The following DCX variants were observed in gnomAD, a reference collection of about 807,000 sequenced individuals.
The protein encoded by DCX is neuronal migration protein doublecortin.
A neutral mutation model predicts 20.9 loss-of-function variants in DCX; 4 were observed. That is an observed-to-expected ratio of 0.19 (90% CI 0.09 to 0.44). DCX has a LOEUF of 0.44. Among genes scored for constraint, DCX ranks in the 20% least tolerant of loss-of-function variants. The pLI is 0.99. For missense variants in DCX, 133 were observed against 296.9 expected, an observed-to-expected ratio of 0.45 and a Z score of 4.06; for synonymous variants, 103 against 111.4, an observed-to-expected ratio of 0.92 and a Z score of 0.47.
chrX:111,330,423 A>G (rs954904551), intron 5 of DCX, among the ~76,000 whole-genome samples: 5 of 112,035 alleles, frequency 4.5e-5, no homozygotes, highest in Admixed American at 9.5e-5. Context: ...CCCCCTATTT[A>G]TATGGCATAT....
chrX:111,402,766 G>A (rs1254918068), intron 2 of DCX, among the ~76,000 whole-genome samples: 1 of 107,298 alleles, frequency 9.3e-6, no homozygotes, highest in Non-Finnish European at 1.9e-5. Flanking sequence ...GTGTGTATGT[G>A]TGTGTGTGTG....
At chrX:111,385,681 AAG>A (rs1182797783) in intron 3 of DCX, among the ~76,000 whole-genome samples, 1 of 105,929 alleles carries the variant, frequency 9.4e-6, no homozygotes, top group Non-Finnish European at 1.9e-5. Flanking sequence ...AAAAGAAAGA[AAG>A]AGAAAGAAAG....
chrX:111,341,321 G>C (rs1265120378), intron 3 of DCX, among the ~76,000 whole-genome samples: 1 of 110,198 alleles, frequency 9.1e-6, no homozygotes, highest in Non-Finnish European at 1.9e-5. Flanking sequence ...GAAAAGACTA[G>C]AGGAAAAAGA....
intron 3 of DCX, among the ~76,000 whole-genome samples, chrX:111,362,606 C>G (rs932962831): frequency 8.1e-5 from 9 of 111,561 alleles, no homozygotes; most frequent in African/African-American, 2.9e-4. Flanking sequence ...AGGTTTCATC[C>G]TCAGTCATTC....
At chrX:111,347,074 T>C (rs903618510) in intron 3 of DCX, among the ~76,000 whole-genome samples, 6 of 111,661 alleles carry the variant, frequency 5.4e-5, no homozygotes, top group African/African-American at 6.5e-5. Flanking sequence ...ATTCTATCCC[T>C]ACTAAGTTAA....
chrX:111,341,101 C>CA, intron 3 of DCX, among the ~76,000 whole-genome samples: 1 of 110,366 alleles, frequency 9.1e-6, no homozygotes, highest in East Asian at 2.9e-4. Context: ...TGTTCTAACC[C>CA]AATGCAAAGA....
At chrX:111,389,779 C>A (rs911476732) in intron 3 of DCX, among the ~76,000 whole-genome samples, 10 of 111,424 alleles carry the variant, frequency 9.0e-5, no homozygotes, top group African/African-American at 2.6e-4. Context: ...GTGGCCCCAC[C>A]ATCCACCCAC....
intron 3 of DCX, among the ~76,000 whole-genome samples, chrX:111,358,689 A>C (rs965614745): frequency 1.8e-5 from 2 of 112,159 alleles, no homozygotes; most frequent in African/African-American, 6.5e-5. Flanking sequence ...TCACATCTTC[A>C]TAGTCTGTGA....
chrX:111,354,267 A>G (rs1315111797), intron 3 of DCX, among the ~76,000 whole-genome samples: 1 of 111,802 alleles, frequency 8.9e-6, no homozygotes, highest in African/African-American at 3.3e-5. Context: ...ATCTAGTGAA[A>G]TATATCGAAG....
rs145213347 is a variant in DCX at position 111,334,812 on chromosome X, G to T, written c.706-1659C>A. 4.7e-3 allele frequency among the ~76,000 whole-genome samples: 529 copies of T among 112,073 alleles called. 2 individuals are homozygous for T. The highest frequency in any genetic ancestry group is 0.016 in the African/African-American group (505 of 30,795). The stretch of plus-strand genomic sequence containing the variant: ...ATGAGGTGAGATACATCGAAATAGA[G>T]CATTTCAATTTAGTGTCATGAGTAC... On this transcript the variant is annotated intron_variant, in intron 3 of 6. Transcript: ENST00000636035.
At chrX:111,345,482 G>A (rs1282554021) in intron 3 of DCX, among the ~76,000 whole-genome samples, 1 of 111,683 alleles carries the variant, frequency 9.0e-6, no homozygotes, top group African/African-American at 3.3e-5. Context: ...GAAAATTTTT[G>A]CAATGTACCC....
Position 111,377,787 on chromosome X carries a change from C to A in DCX, c.705+23203G>T, listed in dbSNP as rs772361074. Among the ~76,000 whole-genome samples the A allele has an allele frequency of 3.6e-5, 4 of 111,441 alleles. No homozygotes were observed. In the South Asian group the frequency reaches 1.5e-3, roughly 42 times the overall value. On this transcript the variant is annotated intron_variant, in intron 3 of 6. Transcript: ENST00000636035. ...TTCCTTTCCTCTTCCTCCCTTCCTC[C>A]TTCTTCCTTCCTCCCTTCTCCTCCT...
chrX:111,332,827 G>A lies in DCX; in HGVS notation c.808+224C>T, dbSNP rs144344521. ...TATGGTCACTATTGGGGCAGATAGT[G>A]AGTTTTATTGAGTTTGGAGCCTGGG... On this transcript the variant is annotated intron_variant, in intron 4 of 6. Coordinates refer to ENST00000636035, the MANE Select transcript of DCX (RefSeq NM_001195553.2). Among the ~76,000 whole-genome samples the A allele has an allele frequency of 3.6e-3, 398 of 111,533 alleles. 3 individuals are homozygous for A. Among genetic ancestry groups the A allele is most frequent in the African/African-American group, 0.012 (377 of 30,719 alleles).
chrX:111,294,896 G>C lies in DCX; in HGVS notation c.*6791C>G, dbSNP rs1443721489. Reference sequence around the variant, plus strand: ...CAATTCTAACTACAGCTATAGGGCAGAAAGGGTGGGCTGTTTCCATTTTAA... The same window carrying C: ...CAATTCTAACTACAGCTATAGGGCACAAAGGGTGGGCTGTTTCCATTTTAA... On this transcript the variant is annotated 3_prime_UTR_variant, in exon 7 of 7. Coordinates refer to ENST00000636035, the MANE Select transcript of DCX (RefSeq NM_001195553.2). 8.9e-6 allele frequency: 1 copy of C among 112,377 alleles called. No homozygotes were observed. The highest frequency in any genetic ancestry group is 1.9e-5 in the Non-Finnish European group (1 of 53,247). 9.3% of individuals were successfully genotyped at this position (112,377 alleles called of 1,213,427 possible).
At chrX:111,362,934 A>G (rs1231329896) in intron 3 of DCX, among the ~76,000 whole-genome samples, 1 of 110,726 alleles carries the variant, frequency 9.0e-6, no homozygotes, top group Admixed American at 9.6e-5. Flanking sequence ...AATAAAAGTT[A>G]AAAAAAATAG....
Position 111,410,282 on chromosome X carries a change from T to C in DCX, c.117A>G (p.Arg39=). ...TACTCAGTGCCTGCAAGGTTCTGGT[T>C]CGGTAGAAGCTACAGTGGGCGCTGT... The part of the protein sequence containing the change: ...PTHSAHCSFY[R]TRTLQALSNE... The change falls in exon 2 of 7, where the codon CGA becomes CGG. Residue 39 remains arginine, a synonymous_variant. Transcript: ENST00000636035. 1 of 1,211,502 alleles carries C rather than the reference T, an allele frequency of 8.3e-7. No individual in the cohort carries two copies.
intron 3 of DCX, among the ~76,000 whole-genome samples, chrX:111,337,852 G>A (rs1167774587): frequency 8.9e-6 from 1 of 112,038 alleles, no homozygotes; most frequent in Non-Finnish European, 1.9e-5. Context: ...GTAATAAAGG[G>A]CCATGTCTTC....
chrX:111,391,101 T>A (rs1038791625), intron 3 of DCX, among the ~76,000 whole-genome samples: 1 of 111,412 alleles, frequency 9.0e-6, no homozygotes, highest in African/African-American at 3.3e-5. Flanking sequence ...CCAAATTTCA[T>A]GTTGAATTGT....
At chrX:111,370,781 TAA>T (rs372146733) in intron 3 of DCX, among the ~76,000 whole-genome samples, 2 of 103,539 alleles carry the variant, frequency 1.9e-5, no homozygotes, top group African/African-American at 3.5e-5. Flanking sequence ...TGGAGAGCTT[TAA>T]AAAAAAAAAA....
Sources: allele counts gnomAD v4.1 joint callset (sites outside exome capture counted in the v4.1 genomes callset), GRCh38; gene constraint gnomAD v4.1.1; transcripts MANE v1.5; gene names NCBI Gene and HGNC (gene_info 2026-07-23, HGNC 2026-07-21).